The following LPP variants were observed in gnomAD, a reference collection of about 807,000 sequenced individuals.
LPP encodes LIM domain containing preferred translocation partner in lipoma.
In LPP, 38 loss-of-function variants were observed where a neutral mutation model predicts 60.4. The ratio of observed to expected loss-of-function variants is 0.63; its 90% CI spans 0.49 to 0.83. The LOEUF (loss-of-function observed/expected upper bound fraction) is 0.83, where lower values mean the gene tolerates loss of function less well. Ranked by LOEUF, LPP falls within the 40% of genes least tolerant of loss-of-function variation. The pLI, the probability that LPP is intolerant of heterozygous loss-of-function variation, is 0.00. For missense variants in LPP, 902 were observed against 783.6 expected (o/e 1.15, Z -1.80); for synonymous variants, 328 against 290.8 (o/e 1.13, Z -1.30).
intron 9 of LPP, among the ~76,000 whole-genome samples, chr3:188,801,426 A>G (rs751920536): frequency 3.0e-4 from 46 of 152,232 alleles, no homozygotes; most frequent in Non-Finnish European, 5.0e-4. Context: ...ACATACGTCT[A>G]TAAACAGTGC....
intron 6 of LPP, among the ~76,000 whole-genome samples, chr3:188,535,032 G>A (rs758949797): frequency 6.8e-6 from 1 of 146,868 alleles, no homozygotes; most frequent in Non-Finnish European, 1.5e-5. Context: ...CTGTAAGCTG[G>A]AACTATTGAA....
chr3:188,170,033 C>G (rs1185676083), intron 1 of LPP, among the ~76,000 whole-genome samples: 1 of 152,180 alleles, frequency 6.6e-6, no homozygotes, highest in Non-Finnish European at 1.5e-5. Flanking sequence ...TCATCGGGAA[C>G]AGAATAACAG....
intron 9 of LPP, among the ~76,000 whole-genome samples, chr3:188,863,563 A>G (rs757911642): frequency 5.9e-5 from 9 of 152,140 alleles, no homozygotes; most frequent in Non-Finnish European, 1.2e-4. Flanking sequence ...CTCGAAGGCT[A>G]CTGGTAGGCC....
chr3:188,869,959 T>A (rs3773925), intron 10 of LPP, among the ~76,000 whole-genome samples: 73,515 of 151,964 alleles, frequency 0.48, 18,501 homozygotes, highest in East Asian at 0.61. Flanking sequence ...TCATTTCACC[T>A]AAATGGTTAT....
In LPP at chr3:188,216,964, A is replaced by G. The variant is rs140269954; in HGVS notation, c.-189-8441A>G. 2.6e-4 allele frequency among the ~76,000 whole-genome samples: 39 copies of G among 152,294 alleles called. No individual in the cohort carries two copies. The East Asian group carries it at 4.1e-3, about 16-fold the overall frequency. On this transcript the variant is annotated intron_variant, in intron 1 of 11. Transcript: ENST00000617246. The stretch of plus-strand genomic sequence containing the variant: ...ATTCATCTAATTTTATTAAATCTTT[A>G]TTGAGTTTCCACTTAGGTGCCTTGC...
At chr3:188,198,603 G>A (rs1730185483) in intron 1 of LPP, among the ~76,000 whole-genome samples, 1 of 152,222 alleles carries the variant, frequency 6.6e-6, no homozygotes, top group African/African-American at 2.4e-5. Context: ...TTTTACAGAT[G>A]AGGTAATAGA....
At chr3:188,316,968 A>G (rs954288440) in intron 2 of LPP, among the ~76,000 whole-genome samples, 3 of 152,176 alleles carry the variant, frequency 2.0e-5, no homozygotes, top group African/African-American at 7.2e-5. Flanking sequence ...TTGCTAAGGC[A>G]CAGACTTGTG....
chr3:188,738,677 T>G (rs1723358897), intron 8 of LPP, among the ~76,000 whole-genome samples: 1 of 152,180 alleles, frequency 6.6e-6, no homozygotes, highest in South Asian at 2.1e-4. Context: ...ACCCAGCAAC[T>G]AAGTGTCCTT....
intron 3 of LPP, among the ~76,000 whole-genome samples, chr3:188,394,551 A>AGTGTGTGTGTGTGT (rs1209092729): frequency 0.026 from 3,819 of 146,904 alleles, 82 homozygotes; most frequent in East Asian, 0.08. Flanking sequence ...AAATATCTAA[A>AGTGTGTGTGTGTGT]GTGTGTGTGT....
At chr3:188,382,168 G>T (rs1005957796) in intron 3 of LPP, among the ~76,000 whole-genome samples, 5 of 152,084 alleles carry the variant, frequency 3.3e-5, no homozygotes, top group Non-Finnish European at 7.4e-5. Flanking sequence ...TATCCCATTT[G>T]CCCAGATGCT....
intron 2 of LPP, among the ~76,000 whole-genome samples, chr3:188,248,865 C>T (rs760998330): frequency 1.3e-5 from 2 of 152,052 alleles, no homozygotes; most frequent in African/African-American, 4.8e-5. Flanking sequence ...CTAGCTATTA[C>T]GTTGTTAGAT....
At chr3:188,238,592 G>T (rs1395878407) in intron 2 of LPP, among the ~76,000 whole-genome samples, 2 of 152,034 alleles carry the variant, frequency 1.3e-5, no homozygotes, top group African/African-American at 4.8e-5. Context: ...GAGATGGGAG[G>T]GTCCAAGGAG....
chr3:188,415,481 C>T (rs1274439444), intron 4 of LPP, among the ~76,000 whole-genome samples: 1 of 151,758 alleles, frequency 6.6e-6, no homozygotes, highest in Admixed American at 6.6e-5. Context: ...AAAACCTGTA[C>T]ATGGATGTTC....
chr3:188,579,726 G>C (rs1835610035), intron 6 of LPP, among the ~76,000 whole-genome samples: 1 of 151,528 alleles, frequency 6.6e-6, no homozygotes, highest in Non-Finnish European at 1.5e-5. Flanking sequence ...TTGGGATGCT[G>C]AGGCGGTATG....
intron 3 of LPP, among the ~76,000 whole-genome samples, chr3:188,371,811 C>A (rs1435888422): frequency 2.7e-5 from 4 of 150,016 alleles, no homozygotes; most frequent in Non-Finnish European, 4.4e-5. Flanking sequence ...TGCACCACGA[C>A]ACCTGGCTAA....
chr3:188,306,161 A>G (rs906160329), intron 2 of LPP, among the ~76,000 whole-genome samples: 1 of 151,918 alleles, frequency 6.6e-6, no homozygotes, highest in African/African-American at 2.4e-5. Flanking sequence ...GTTTACTGCA[A>G]CCTGTGCCTC....
chr3:188,614,991 G>GTC (rs983105580), intron 7 of LPP, among the ~76,000 whole-genome samples: 1 of 152,138 alleles, frequency 6.6e-6, no homozygotes, highest in Non-Finnish European at 1.5e-5. Context: ...TTAATATGGA[G>GTC]TTCAGTCATC....
chr3:188,471,381 G>A (rs970765326), intron 4 of LPP, among the ~76,000 whole-genome samples: 1 of 152,094 alleles, frequency 6.6e-6, no homozygotes, highest in Non-Finnish European at 1.5e-5. Context: ...TGACTATCTG[G>A]GCTATTTGTT....
At chr3:188,763,298 CTTAA>C (rs912157143) in intron 9 of LPP, among the ~76,000 whole-genome samples, 3 of 149,906 alleles carry the variant, frequency 2.0e-5, no homozygotes, top group Admixed American at 1.3e-4. Flanking sequence ...AAGATAGTGG[CTTAA>C]TTATTTTTGT....
Sources: gnomAD v4.1 joint callset for allele counts (sites outside exome capture counted in the v4.1 genomes callset) on GRCh38, gnomAD v4.1.1 for gene constraint, MANE v1.5 for transcripts, NCBI Gene and HGNC (gene_info 2026-07-23, HGNC 2026-07-21) for gene names.